Variants in MGAM2 observed in about 807,000 individuals in gnomAD.
MGAM2 encodes the protein maltase-glucoamylase 2 (putative).
In MGAM2, 98 loss-of-function variants were observed where a neutral mutation model predicts 96.1. The ratio of observed to expected loss-of-function variants is 1.02; its 90% CI spans 0.87 to 1.21. The LOEUF is 1.21. Ranked by LOEUF, MGAM2 falls within the 50% of genes most tolerant of loss-of-function variation. MGAM2 has a pLI of 0.00. For missense variants in MGAM2, 2,055 were observed against 1,182.4 expected, an observed-to-expected ratio of 1.74 and a Z score of -10.82; for synonymous variants, 749 against 414.8, an observed-to-expected ratio of 1.81 and a Z score of -9.79.
chr7:142,159,887 C>T (rs1795838328), intron 20 of MGAM2, among the ~76,000 whole-genome samples: 1 of 152,110 alleles, frequency 6.6e-6, no homozygotes, highest in Non-Finnish European at 1.5e-5. Flanking sequence ...TGTCATTTGG[C>T]TGTGGTAGCC....
At chr7:142,119,349 C>G (rs968650280) in intron 2 of MGAM2, among the ~76,000 whole-genome samples, 5 of 152,178 alleles carry the variant, frequency 3.3e-5, no homozygotes, top group African/African-American at 9.6e-5. Flanking sequence ...ATTTGGGAAG[C>G]GCAAGTCAAA....
chr7:142,198,349 G>A (rs1797115403), intron 43 of MGAM2, among the ~76,000 whole-genome samples, 154 bp downstream of exon 43: 1 of 152,128 alleles, frequency 6.6e-6, no homozygotes, highest in South Asian at 2.1e-4. Flanking sequence ...ATGTATAAGA[G>A]CATAGACGAA....
At chr7:142,164,806 A>G (rs1210446916) in intron 23 of MGAM2, 50 bp from the exon 24 acceptor site, 12 of 618,854 alleles carry the variant, frequency 1.9e-5, no homozygotes, top group Non-Finnish European at 3.4e-5. Context: ...TGGGGATAAT[A>G]AGGGTCTGAA....
At chr7:142,182,315 G>A (rs1796569225) in intron 32 of MGAM2, among the ~76,000 whole-genome samples, 1 of 152,186 alleles carries the variant, frequency 6.6e-6, no homozygotes, top group Non-Finnish European at 1.5e-5. Context: ...GGCAGTGGAG[G>A]CTGTGCTGTG....
chr7:142,135,680 G>A (rs62479415), intron 7 of MGAM2, among the ~76,000 whole-genome samples: 45,316 of 150,786 alleles, frequency 0.3, 6,992 homozygotes, highest in East Asian at 0.4. Flanking sequence ...AACGTTCTCC[G>A]TATTCTAATC....
intron 45 of MGAM2, among the ~76,000 whole-genome samples, chr7:142,200,962 T>C (rs1797205668): frequency 7.8e-6 from 1 of 129,030 alleles, no homozygotes; most frequent in African/African-American, 2.9e-5. Flanking sequence ...CATGTGTGAA[T>C]GTTATTATTT....
chr7:142,168,787 AT>A (rs1298935326), intron 26 of MGAM2, among the ~76,000 whole-genome samples: 1 of 152,224 alleles, frequency 6.6e-6, no homozygotes, highest in African/African-American at 2.4e-5. Context: ...AAATATTATC[AT>A]TTCACCTTGA....
intron 47 of MGAM2, among the ~76,000 whole-genome samples, chr7:142,219,136 G>C (rs1236639763): frequency 6.6e-6 from 1 of 152,018 alleles, no homozygotes; most frequent in Non-Finnish European, 1.5e-5. Flanking sequence ...AGTTACCAAA[G>C]GCAACCACAA....
At chr7:142,217,171 T>C (rs1797789033) in intron 46 of MGAM2, among the ~76,000 whole-genome samples, 1 of 152,232 alleles carries the variant, frequency 6.6e-6, no homozygotes, top group South Asian at 2.1e-4. Context: ...CTTCATCATG[T>C]GCCACCTCAT....
intron 46 of MGAM2, among the ~76,000 whole-genome samples, chr7:142,217,005 C>A (rs1357984685): frequency 1.3e-5 from 2 of 152,134 alleles, no homozygotes; most frequent in Non-Finnish European, 2.9e-5. Flanking sequence ...TCCCTGTACC[C>A]CTATTTCCTG....
In MGAM2 at chr7:142,220,523, C is replaced by A; in HGVS notation, c.6012C>A (p.Phe2004Leu). The A allele has an allele frequency of 1.4e-6, 1 of 702,380 alleles. No homozygotes were observed. Among genetic ancestry groups the A allele is most frequent in the South Asian group, 1.5e-5 (1 of 67,590 alleles). 43.5% of individuals were successfully genotyped at this position (702,380 alleles called of 1,614,324 possible). ...STTVPDTTAPFPTSTTSASTN... is the reference protein window; with the variant it reads ...STTVPDTTAPLPTSTTSASTN... ...CTGTTCCTGATACAACTGCTCCTTTCCCTACAAGTACTACTAGTGCTAGCA... is the reference window on the plus strand; with the variant it reads ...CTGTTCCTGATACAACTGCTCCTTTACCTACAAGTACTACTAGTGCTAGCA... The change falls in exon 48 of 48, where the codon TTC becomes TTA. Residue 2004 changes from phenylalanine to leucine, a missense_variant. By Grantham distance (22) the Phe-to-Leu change is conservative. Coordinates refer to ENST00000477922, the MANE Select transcript of MGAM2 (RefSeq NM_001293626.2).
chr7:142,187,208 T>C (rs533545609), intron 35 of MGAM2, among the ~76,000 whole-genome samples: 15 of 152,222 alleles, frequency 9.9e-5, no homozygotes, highest in Non-Finnish European at 1.8e-4. Context: ...ACATATAACT[T>C]TTTAGAAATA....
intron 16 of MGAM2, 132 bp downstream of exon 16, chr7:142,154,321 T>C (rs868532179): frequency 2.1e-6 from 1 of 478,456 alleles, no homozygotes; most frequent in Non-Finnish European, 3.7e-6. Context: ...GATCAATTTT[T>C]ATGTGTTACG....
At chr7:142,137,598 C>A in intron 9 of MGAM2, 53 bp downstream of exon 9, 1 of 600,420 alleles carries the variant, frequency 1.7e-6, no homozygotes, top group South Asian at 1.9e-5. Flanking sequence ...CTCATATACT[C>A]ATTATAAATT....
intron 26 of MGAM2, among the ~76,000 whole-genome samples, chr7:142,168,760 T>TTTTA (rs57744611): frequency 0.096 from 14,602 of 152,280 alleles, 795 homozygotes; most frequent in East Asian, 0.15. Context: ...TTTAATAATA[T>TTTTA]TTTAACCAAT....
At chr7:142,215,097 T>C (rs1450115697) in intron 46 of MGAM2, among the ~76,000 whole-genome samples, 1 of 152,168 alleles carries the variant, frequency 6.6e-6, no homozygotes, top group African/African-American at 2.4e-5. Context: ...GTGGCACATA[T>C]ATACCATGGA....
chr7:142,201,867 A>T (rs940067203), intron 45 of MGAM2, among the ~76,000 whole-genome samples: 3 of 152,236 alleles, frequency 2.0e-5, no homozygotes, highest in Non-Finnish European at 2.9e-5. Flanking sequence ...TAATAATGTC[A>T]GATTCATTTT....
chr7:142,191,276 A>G (rs1212370158), intron 37 of MGAM2, among the ~76,000 whole-genome samples: 1 of 152,188 alleles, frequency 6.6e-6, no homozygotes, highest in Non-Finnish European at 1.5e-5. Context: ...CACATTTTTA[A>G]AAGTTTTTAT....
chr7:142,199,765 C>T (rs987468885), intron 44 of MGAM2, 115 bp from the exon 45 acceptor site: 2 of 462,698 alleles, frequency 4.3e-6, no homozygotes, highest in African/African-American at 2.0e-5. Context: ...ACTTTATATG[C>T]ATATTTAATA....
Sources: gnomAD v4.1 joint callset for allele counts (sites outside exome capture counted in the v4.1 genomes callset) on GRCh38, gnomAD v4.1.1 for gene constraint, MANE v1.5 for transcripts, NCBI Gene and HGNC (gene_info 2026-07-23, HGNC 2026-07-21) for gene names.